Variants in AOAH observed in about 807,000 individuals in gnomAD.
AOAH encodes acyloxyacyl hydrolase, also known as acyloxyacyl hydrolase (neutrophil).
AOAH carries 64 observed loss-of-function variants against 92.2 expected under a neutral mutation model. The ratio of observed to expected loss-of-function variants is 0.69; its 90% CI spans 0.57 to 0.86. The LOEUF (loss-of-function observed/expected upper bound fraction) is 0.86, where lower values mean the gene tolerates loss of function less well. Ranked by LOEUF, AOAH falls within the 40% of genes least tolerant of loss-of-function variation. The pLI, the probability that AOAH is intolerant of heterozygous loss-of-function variation, is 0.00. For synonymous variants in AOAH, 263 were observed against 254.5 expected, an observed-to-expected ratio of 1.03 and a Z score of -0.32; for missense variants, 656 against 694.6, an observed-to-expected ratio of 0.94 and a Z score of 0.62.
chr7:36,632,164 C>T lies in AOAH; in HGVS notation c.451-58G>A, dbSNP rs1793165660. The stretch of plus-strand genomic sequence containing the variant: ...GTTTAGTTTAAGGAGTGGTTCCCCA[C>T]CTTCTAAAGGCCCCTCTGAACTTGA... On this transcript the variant is annotated intron_variant, in intron 5 of 20. Coordinates refer to ENST00000617537, the MANE Select transcript of AOAH (RefSeq NM_001637.4). 7 of 1,410,878 alleles carry T rather than the reference C, an allele frequency of 5.0e-6. No homozygotes were observed. The South Asian group carries it at 7.7e-5, about 16-fold the overall frequency. 87.4% of individuals were successfully genotyped at this position (1,410,878 alleles called of 1,614,324 possible).
chr7:36,678,042 G>A (rs1019805283), intron 2 of AOAH, among the ~76,000 whole-genome samples: 3 of 152,166 alleles, frequency 2.0e-5, no homozygotes, highest in Non-Finnish European at 4.4e-5. Context: ...TGATGAACAC[G>A]CAACTCTATG....
chr7:36,573,129 T>C (rs560747292), intron 13 of AOAH, among the ~76,000 whole-genome samples: 8 of 152,262 alleles, frequency 5.3e-5, no homozygotes, highest in African/African-American at 1.9e-4. Context: ...AAGAGACAAT[T>C]ATATGAGGCA....
intron 5 of AOAH, among the ~76,000 whole-genome samples, chr7:36,635,779 T>C (rs1206139782): frequency 6.6e-6 from 1 of 152,242 alleles, no homozygotes; most frequent in African/African-American, 2.4e-5. Flanking sequence ...TCTCACCTAC[T>C]AGCTATGTGG....
intron 2 of AOAH, among the ~76,000 whole-genome samples, chr7:36,677,507 G>A (rs1004967606): frequency 6.6e-6 from 1 of 152,172 alleles, no homozygotes; most frequent in African/African-American, 2.4e-5. Context: ...CGTGCAGCCA[G>A]TTTGTAACCA....
At chr7:36,540,205 C>T (rs937780489) in intron 16 of AOAH, 114 bp downstream of exon 16, 35 of 1,037,524 alleles carry the variant, frequency 3.4e-5, no homozygotes, top group Non-Finnish European at 4.5e-5. Context: ...TCAACCCTGA[C>T]CCATGTTCCA....
At chr7:36,543,151 T>C (rs1042593632) in intron 15 of AOAH, among the ~76,000 whole-genome samples, 8 of 152,164 alleles carry the variant, frequency 5.3e-5, no homozygotes, top group African/African-American at 1.9e-4. Flanking sequence ...TTTTCCATTG[T>C]CATGAAAAAA....
chr7:36,544,969 T>G (rs1364450428), intron 15 of AOAH, among the ~76,000 whole-genome samples: 1 of 152,184 alleles, frequency 6.6e-6, no homozygotes, highest in Admixed American at 6.5e-5. Context: ...AACACCCAGG[T>G]AAGAGGGTTA....
At chr7:36,630,460 G>T (rs1792992491) in intron 6 of AOAH, among the ~76,000 whole-genome samples, 1 of 152,200 alleles carries the variant, frequency 6.6e-6, no homozygotes, top group South Asian at 2.1e-4. Flanking sequence ...ACATTATTCT[G>T]AGTCATTAAA....
At chr7:36,517,220 C>CTTTT (rs746380579) in intron 20 of AOAH, among the ~76,000 whole-genome samples, 3 of 54,172 alleles carry the variant, frequency 5.5e-5, no homozygotes, top group Non-Finnish European at 1.4e-4. Context: ...CTTTCTCTTT[C>CTTTT]TTTCTGTCTC....
intron 13 of AOAH, among the ~76,000 whole-genome samples, chr7:36,562,652 T>G (rs1787361017): frequency 6.6e-6 from 1 of 152,144 alleles, no homozygotes; most frequent in African/African-American, 2.4e-5. Flanking sequence ...TGGTTATCCC[T>G]CCATAAATGC....
intron 12 of AOAH, among the ~76,000 whole-genome samples, chr7:36,593,448 C>T (rs1789892389): frequency 6.6e-6 from 1 of 152,188 alleles, no homozygotes; most frequent in Non-Finnish European, 1.5e-5. Context: ...ACTTGCCCTC[C>T]TCACAGTTCT....
chr7:36,617,240 A>G (rs1429530457), intron 10 of AOAH, among the ~76,000 whole-genome samples: 1 of 152,216 alleles, frequency 6.6e-6, no homozygotes, highest in Non-Finnish European at 1.5e-5. Context: ...TGGCCACAGA[A>G]ATGGGGACTG....
At chr7:36,518,711 T>C (rs1443340943) in intron 20 of AOAH, among the ~76,000 whole-genome samples, 2 of 152,250 alleles carry the variant, frequency 1.3e-5, no homozygotes, top group South Asian at 2.1e-4. Flanking sequence ...AGAGCCCACT[T>C]TCTTGTTAAG....
chr7:36,711,432 C>G (rs1397663933), intron 1 of AOAH, among the ~76,000 whole-genome samples: 1 of 152,092 alleles, frequency 6.6e-6, no homozygotes, highest in African/African-American at 2.4e-5. Context: ...TTCGGTATTG[C>G]TCACTGTGTG....
At chr7:36,593,230 A>G (rs1014342541) in intron 12 of AOAH, among the ~76,000 whole-genome samples, 25 of 152,238 alleles carry the variant, frequency 1.6e-4, no homozygotes, top group African/African-American at 5.3e-4. Context: ...CTACCTTTAA[A>G]TGGACACCTG....
intron 13 of AOAH, among the ~76,000 whole-genome samples, chr7:36,558,822 G>A (rs183788858): frequency 7.5e-4 from 115 of 152,362 alleles, no homozygotes; most frequent in African/African-American, 2.0e-3. Context: ...TCCTAAGCCC[G>A]TTGGAAAAGC....
chr7:36,674,323 C>T (rs1473828438), intron 2 of AOAH, among the ~76,000 whole-genome samples: 1 of 152,098 alleles, frequency 6.6e-6, no homozygotes, highest in Non-Finnish European at 1.5e-5. Context: ...TGAATGTTGG[C>T]TATGACCTCA....
At chr7:36,668,844 C>G (rs934802062) in intron 3 of AOAH, among the ~76,000 whole-genome samples, 2 of 152,226 alleles carry the variant, frequency 1.3e-5, no homozygotes, top group African/African-American at 4.8e-5. Flanking sequence ...GTTTGTTCAG[C>G]TTTTTAACCT....
intron 1 of AOAH, among the ~76,000 whole-genome samples, chr7:36,695,759 A>C (rs1797670836): frequency 6.6e-6 from 1 of 152,162 alleles, no homozygotes; most frequent in South Asian, 2.1e-4. Flanking sequence ...TCTGTGGCTA[A>C]TCTTTTGGTT....
Sources: gnomAD v4.1 joint callset for allele counts (sites outside exome capture counted in the v4.1 genomes callset) on GRCh38, gnomAD v4.1.1 for gene constraint, MANE v1.5 for transcripts, NCBI Gene and HGNC (gene_info 2026-07-23, HGNC 2026-07-21) for gene names.